PRRC2B: variants seen among roughly 807,000 people sequenced by gnomAD.
The protein encoded by PRRC2B is protein PRRC2B.
A neutral mutation model predicts 242.3 loss-of-function variants in PRRC2B; 68 were observed. The ratio of observed to expected loss-of-function variants is 0.28; its 90% confidence interval spans 0.23 to 0.34. The LOEUF is 0.34. Among genes scored for constraint, PRRC2B ranks in the 10% least tolerant of loss-of-function variants. The pLI is 1.00. For synonymous variants in PRRC2B, 1,228 were observed against 1,173.6 expected, an observed-to-expected ratio of 1.05 and a Z score of -0.95; for missense variants, 2,835 against 2,954.8, an observed-to-expected ratio of 0.96 and a Z score of 0.94.
At position 131,482,829 on chromosome 9, in the gene PRRC2B, C is replaced by T; in HGVS notation, c.5295C>T (p.Val1765=). 2 of 1,609,024 alleles carry T rather than the reference C, an allele frequency of 1.2e-6. No individual in the cohort carries two copies. The highest frequency in any genetic ancestry group is 1.7e-6 in the Non-Finnish European group (2 of 1,177,648). The change falls in exon 22 of 32, where the codon GTC becomes GTT. Residue 1765 remains valine, a synonymous_variant. Coordinates refer to ENST00000683519, the MANE Select transcript of PRRC2B (RefSeq NM_013318.4). This position sits in a 1 kb window ranked among gnomAD's most constrained non-coding sequence, Gnocchi z 5.2. ...CCGAGCGGCTGCAAGGGGCTGTCGT[C>T]CCGCCTGTTAACGGGGTGGAGATTC... ...EGAERLQGAV[V]PPVNGVEIHV... is the part of the protein sequence containing the mutation.
rs1943928378 is a variant in PRRC2B, at chr9:131,483,401, A to C, written c.5416A>C (p.Thr1806Pro). 6.2e-7 allele frequency: 1 copy of C among 1,613,796 alleles called. No individual in the cohort carries two copies. The highest frequency in any genetic ancestry group is 1.1e-5 in the South Asian group (1 of 91,056). ...GCCACCTGGTTCTGCCTCTGGTCCT[A>C]CTGGGAGTCCAGTTGTTAAACTTCA... ...SLPPGSASGP[T>P]GSPVVKLQDA... Residue 1806 changes from threonine to proline, a missense_variant, in exon 23 of 32, where the codon ACT (threonine) becomes CCT (proline). By Grantham distance (38) the Thr-to-Pro change is conservative. Coordinates refer to ENST00000683519, the MANE Select transcript of PRRC2B (RefSeq NM_013318.4).
intron 1 of PRRC2B, among the ~76,000 whole-genome samples, chr9:131,401,470 C>T (rs976827773): frequency 2.0e-5 from 3 of 150,626 alleles, no homozygotes; most frequent in African/African-American, 7.3e-5. Context: ...CAACCTCAGC[C>T]TCTTGTGTAG....
At chr9:131,453,969 A>G (rs188187881) in intron 9 of PRRC2B, among the ~76,000 whole-genome samples, 40 of 152,332 alleles carry the variant, frequency 2.6e-4, no homozygotes, top group African/African-American at 8.9e-4. Context: ...TACCACCACT[A>G]TTCAATTTCA....
chr9:131,475,443 G>T lies in PRRC2B; in HGVS notation c.3314G>T (p.Arg1105Leu), dbSNP rs759098038. ...GARSIYCSSQ[R>L]SGRGRGLREF... ...CGCAGCATCTACTGCAGCAGTCAGC[G>T]CAGCGGCCGTGGCCGGGGCCTGCGA... is the stretch of plus-strand genomic sequence containing the variant. Residue 1105 changes from arginine (R) to leucine (L), a missense_variant, in exon 16 of 32, where the codon CGC becomes CTC. Coordinates refer to ENST00000683519, the MANE Select transcript of PRRC2B (RefSeq NM_013318.4). 19 of 1,581,560 alleles carry T rather than the reference G, an allele frequency of 1.2e-5. No homozygotes were observed. Among genetic ancestry groups the T allele is most frequent in the African/African-American group, 4.1e-5 (3 of 73,738 alleles).
Position 131,413,735 on chromosome 9 carries a change from G to A in PRRC2B, c.-51-16359G>A, listed in dbSNP as rs575211340. Among the ~76,000 whole-genome samples the A allele has an allele frequency of 1.1e-4, 17 of 152,160 alleles. No homozygotes were observed. In the East Asian group the frequency reaches 1.4e-3, roughly 12 times the overall value. On this transcript the variant is annotated intron_variant, in intron 1 of 31. Transcript: ENST00000683519. The stretch of plus-strand genomic sequence containing the variant: ...TGCCTAGGCTGGAGTGCAGCGGTGC[G>A]ATCTTGGCTCACTGCAACCTCTGCC...
At chr9:131,385,581 G>T (rs1836815297) in intron 1 of PRRC2B, among the ~76,000 whole-genome samples, 1 of 150,620 alleles carries the variant, frequency 6.6e-6, no homozygotes, top group African/African-American at 2.4e-5. Flanking sequence ...CTTAACTTCT[G>T]ACCTAAATTT....
At chr9:131,406,228 C>T (rs1162650714) in intron 1 of PRRC2B, among the ~76,000 whole-genome samples, 1 of 152,176 alleles carries the variant, frequency 6.6e-6, no homozygotes, top group African/African-American at 2.4e-5. Context: ...GCATTGCCCT[C>T]ACCTCCTGGA....
intron 1 of PRRC2B, among the ~76,000 whole-genome samples, chr9:131,423,685 C>CATA (rs1297897650): frequency 6.6e-6 from 1 of 152,176 alleles, no homozygotes; most frequent in Non-Finnish European, 1.5e-5. Flanking sequence ...CTTTGTGGGC[C>CATA]ATAGATGGCC....
At chr9:131,417,091 G>T (rs190999490) in intron 1 of PRRC2B, among the ~76,000 whole-genome samples, 20 of 152,214 alleles carry the variant, frequency 1.3e-4, no homozygotes, top group African/African-American at 4.8e-4. Context: ...CTTCAGAGTG[G>T]GTGCCTGGAT....
In PRRC2B at chr9:131,434,083, T is replaced by C. The variant is rs1838265108; in HGVS notation, c.293+1289T>C. On this transcript the variant is annotated intron_variant, in intron 3 of 31. Transcript: ENST00000683519. ...CAGTGTCCCCCCCTTGAAATAGGAA[T>C]GATACCTGGCTTTGCTGGTGGTTAC... Among the ~76,000 whole-genome samples the C allele has an allele frequency of 2.0e-5, 3 of 152,190 alleles. No homozygotes were observed. The South Asian group carries it at 6.2e-4, about 31-fold the overall frequency.
chr9:131,428,267 C>G (rs936776282), intron 1 of PRRC2B, among the ~76,000 whole-genome samples: 1 of 151,924 alleles, frequency 6.6e-6, no homozygotes, highest in African/African-American at 2.4e-5. Context: ...GTTGCTCGGG[C>G]TGGAGTACAG....
intron 1 of PRRC2B, among the ~76,000 whole-genome samples, chr9:131,398,635 C>T (rs775696096): frequency 9.9e-5 from 15 of 152,136 alleles, no homozygotes; most frequent in Non-Finnish European, 1.9e-4. Flanking sequence ...GCAATAGATA[C>T]TCCTTGAGCA....
At chr9:131,443,554 C>T (rs2131383125) in intron 5 of PRRC2B, among the ~76,000 whole-genome samples, 1 of 152,134 alleles carries the variant, frequency 6.6e-6, no homozygotes, top group Middle Eastern at 3.4e-3. Context: ...CCACCCCAGC[C>T]TCCTGAGTAG....
chr9:131,374,358 A>G (rs2131259665), intron 1 of PRRC2B, among the ~76,000 whole-genome samples: 1 of 152,266 alleles, frequency 6.6e-6, no homozygotes, highest in Admixed American at 6.5e-5. Flanking sequence ...GCACTGATTC[A>G]CTTATCCAAG....
intron 6 of PRRC2B, among the ~76,000 whole-genome samples, chr9:131,445,242 C>T (rs1838758956): frequency 6.6e-6 from 1 of 152,010 alleles, no homozygotes; most frequent in African/African-American, 2.4e-5. Flanking sequence ...CTCACTGCAA[C>T]CTCCGCCTCC....
At chr9:131,405,416 C>G (rs370256929) in intron 1 of PRRC2B, among the ~76,000 whole-genome samples, 2 of 152,158 alleles carry the variant, frequency 1.3e-5, no homozygotes, top group Non-Finnish European at 2.9e-5. Context: ...CTCATAGCCC[C>G]GTCTTTCACA....
intron 10 of PRRC2B, among the ~76,000 whole-genome samples, chr9:131,457,475 C>T (rs1943114956): frequency 6.6e-6 from 1 of 152,212 alleles, no homozygotes; most frequent in Admixed American, 6.5e-5. Flanking sequence ...GAACGATCTC[C>T]TCCTGAAACC....
chr9:131,444,696 C>T (rs1449097316), intron 6 of PRRC2B, among the ~76,000 whole-genome samples: 1 of 152,206 alleles, frequency 6.6e-6, no homozygotes. Flanking sequence ...GTCGGAATCA[C>T]TGGGGAGTTT....
intron 1 of PRRC2B, among the ~76,000 whole-genome samples, chr9:131,414,932 CT>C (rs1588241096): frequency 6.6e-6 from 1 of 152,208 alleles, no homozygotes; most frequent in East Asian, 1.9e-4. Flanking sequence ...ACACGTGGTC[CT>C]TATTTCCTGG....
Sources: gnomAD v4.1 joint callset for allele counts (sites outside exome capture counted in the v4.1 genomes callset) on GRCh38, gnomAD v4.1.1 for gene constraint, Gnocchi (gnomAD v3.1) non-coding constraint, MANE v1.5 for transcripts, NCBI Gene and HGNC (gene_info 2026-07-23, HGNC 2026-07-21) for gene names.